SAMTOR: variants seen among roughly 807,000 people sequenced by gnomAD.
SAMTOR encodes S-adenosylmethionine sensor upstream of mTORC1, also known as UPF0532 protein C7orf60.
the SAMTOR span, among the ~76,000 whole-genome samples, chr7:112,902,270 G>A: frequency 3.3e-4 from 50 of 151,300 alleles, no homozygotes; most frequent in South Asian, 8.4e-4. Flanking sequence ...GCATGGTGGC[G>A]CATGCCTGTA....
At chr7:112,901,259 T>A in the SAMTOR span, among the ~76,000 whole-genome samples, 1 of 152,160 alleles carries the variant, frequency 6.6e-6, no homozygotes. Flanking sequence ...TGTTCCCCAT[T>A]GCTCGCATTA....
At chr7:112,886,709 C>A in the SAMTOR span, among the ~76,000 whole-genome samples, 1 of 152,194 alleles carries the variant, frequency 6.6e-6, no homozygotes, top group Non-Finnish European at 1.5e-5. Context: ...GAAAGGACTT[C>A]ATACAGTGTA....
chr7:112,915,523 T>C, the SAMTOR span: 1 of 1,190,670 alleles, frequency 8.4e-7, no homozygotes, highest in Non-Finnish European at 1.1e-6. Context: ...TAGCACAATC[T>C]GAAATTATTT....
chr7:112,930,873 C>T, the SAMTOR span, among the ~76,000 whole-genome samples: 1 of 152,150 alleles, frequency 6.6e-6, no homozygotes, highest in Non-Finnish European at 1.5e-5. Context: ...ACCTGGTAGT[C>T]AAAAGCTAAA....
At chr7:112,862,802 A>T in the SAMTOR span, among the ~76,000 whole-genome samples, 1 of 151,706 alleles carries the variant, frequency 6.6e-6, no homozygotes, top group African/African-American at 2.4e-5. Context: ...GGTGGAAGAC[A>T]CCTGTAATCC....
At chr7:112,873,049 TA>T in the SAMTOR span, among the ~76,000 whole-genome samples, 49 of 148,238 alleles carry the variant, frequency 3.3e-4, no homozygotes, top group African/African-American at 1.0e-3. Flanking sequence ...AAAACTCTGC[TA>T]AAAAAAAAAT....
the SAMTOR span, among the ~76,000 whole-genome samples, chr7:112,848,194 T>C: frequency 6.6e-6 from 1 of 152,070 alleles, no homozygotes; most frequent in East Asian, 1.9e-4. Flanking sequence ...TAATAGAGGC[T>C]TATATTAAGT....
chr7:112,858,268 T>G, the SAMTOR span, among the ~76,000 whole-genome samples: 1 of 151,858 alleles, frequency 6.6e-6, no homozygotes, highest in Non-Finnish European at 1.5e-5. Flanking sequence ...TACTATAAAT[T>G]TTCTCTTAAG....
At chr7:112,880,627 T>C in the SAMTOR span, among the ~76,000 whole-genome samples, 1 of 151,908 alleles carries the variant, frequency 6.6e-6, no homozygotes, top group African/African-American at 2.4e-5. Flanking sequence ...CTTAATATCT[T>C]AATATTAAAT....
chr7:112,921,944 CCCCTCTCCCTCT>C, the SAMTOR span, among the ~76,000 whole-genome samples: 84 of 149,400 alleles, frequency 5.6e-4, no homozygotes, highest in African/African-American at 1.3e-3. Context: ...AAAGCCCCTC[CCCCTCTCCCTCT>C]CCCTCTCCCT....
the SAMTOR span, among the ~76,000 whole-genome samples, chr7:112,884,697 G>A: frequency 6.6e-6 from 1 of 152,180 alleles, no homozygotes; most frequent in Admixed American, 6.5e-5. Flanking sequence ...CCCTCTCCTG[G>A]CTGCTTTCAC....
chr7:112,819,218 C>T, the SAMTOR span: 3 of 152,588 alleles, frequency 2.0e-5, no homozygotes, highest in African/African-American at 7.2e-5. Flanking sequence ...CAAACACACA[C>T]GTACATTTTC....
the SAMTOR span, among the ~76,000 whole-genome samples, chr7:112,870,458 G>A: frequency 2.0e-5 from 3 of 152,114 alleles, no homozygotes; most frequent in East Asian, 5.8e-4. Context: ...CTTCATATAT[G>A]AAGGAGAAAT....
At chr7:112,852,151 C>T in the SAMTOR span, among the ~76,000 whole-genome samples, 1 of 152,130 alleles carries the variant, frequency 6.6e-6, no homozygotes, top group Non-Finnish European at 1.5e-5. Context: ...GACACCTGCC[C>T]TTGTATGTTG....
At chr7:112,915,239 GA>G in the SAMTOR span, 106,722 of 1,043,584 alleles carry the variant, frequency 0.1, no homozygotes, top group South Asian at 0.13. Flanking sequence ...TCCGTCTCAG[GA>G]AAAAAAAAAA....
At chr7:112,854,423 T>C in the SAMTOR span, among the ~76,000 whole-genome samples, 3 of 152,106 alleles carry the variant, frequency 2.0e-5, no homozygotes, top group Non-Finnish European at 4.4e-5. Flanking sequence ...CTGCACAAAG[T>C]AGATGAAAAA....
chr7:112,905,379 T>C, the SAMTOR span, among the ~76,000 whole-genome samples: 1 of 152,188 alleles, frequency 6.6e-6, no homozygotes, highest in Admixed American at 6.5e-5. Context: ...ATTCCACTGA[T>C]ACATGTGAGA....
the SAMTOR span, among the ~76,000 whole-genome samples, chr7:112,938,766 T>C: frequency 6.6e-6 from 1 of 152,224 alleles, no homozygotes; most frequent in African/African-American, 2.4e-5. Context: ...AGACTCCAAC[T>C]ATAAACACTC....
At chr7:112,829,508 T>C in the SAMTOR span, among the ~76,000 whole-genome samples, 4 of 152,214 alleles carry the variant, frequency 2.6e-5, no homozygotes, top group Admixed American at 6.5e-5. Context: ...GGGTTGGTCA[T>C]TGTTGGCTGA....
Sources: allele counts gnomAD v4.1 joint callset (sites outside exome capture counted in the v4.1 genomes callset), GRCh38; gene constraint gnomAD v4.1.1; transcripts MANE v1.5; gene names NCBI Gene and HGNC (gene_info 2026-07-23, HGNC 2026-07-21).